DNAH9: variants seen among roughly 807,000 people sequenced by gnomAD.
DNAH9 encodes the protein dynein axonemal heavy chain 9.
In DNAH9, 345 loss-of-function variants were observed where a neutral mutation model predicts 471.6. The observed-to-expected ratio is 0.73, with a 90% CI of 0.67 to 0.80. The LOEUF (loss-of-function observed/expected upper bound fraction) is 0.80, where lower values mean the gene tolerates loss of function less well. Among genes scored for constraint, DNAH9 ranks in the 30% least tolerant of loss-of-function variants. DNAH9 has a pLI of 0.00. For missense variants in DNAH9, 5,407 were observed against 5,609.2 expected (o/e 0.96, Z 1.15); for synonymous variants, 2,093 against 2,123.6 (o/e 0.99, Z 0.40).
chr17:11,644,552 G>T, intron 10 of DNAH9, 79 bp from the exon 11 acceptor site: 2 of 1,040,286 alleles, frequency 1.9e-6, no homozygotes. Context: ...GCTCTTCTTT[G>T]GAGACTGCAG....
chr17:11,645,663 T>G (rs1407343190), intron 11 of DNAH9, among the ~76,000 whole-genome samples: 1 of 151,926 alleles, frequency 6.6e-6, no homozygotes, highest in Non-Finnish European at 1.5e-5. Flanking sequence ...AAGCACACAG[T>G]TTCAAGCATG....
intron 67 of DNAH9, chr17:11,953,909 ATATT>A (rs1317683095): frequency 6.6e-6 from 1 of 152,164 alleles, no homozygotes; most frequent in Non-Finnish European, 1.5e-5. Context: ...AACATGTAAG[ATATT>A]TATTAAAAGA....
At chr17:11,933,405 A>G (rs1271014571) in intron 64 of DNAH9, among the ~76,000 whole-genome samples, 8 of 148,254 alleles carry the variant, frequency 5.4e-5, no homozygotes, top group African/African-American at 2.0e-4. Flanking sequence ...TTTGAGATGG[A>G]GTTTCGCTCT....
intron 2 of DNAH9, 129 bp from the exon 3 acceptor site, chr17:11,610,267 G>A: frequency 1.5e-6 from 1 of 684,496 alleles, no homozygotes; most frequent in Non-Finnish European, 2.3e-6. Context: ...AAGAATGCAT[G>A]GGCTAGATGA....
intron 6 of DNAH9, among the ~76,000 whole-genome samples, chr17:11,624,229 C>T (rs1317864955): frequency 6.6e-6 from 1 of 152,160 alleles, no homozygotes; most frequent in East Asian, 1.9e-4. Flanking sequence ...AGAACTGGGG[C>T]CGGGTGCAGT....
chr17:11,815,881 T>C (rs533898103), intron 45 of DNAH9, among the ~76,000 whole-genome samples: 2 of 152,374 alleles, frequency 1.3e-5, no homozygotes, highest in African/African-American at 4.8e-5. Context: ...AGCTTCTTTG[T>C]CCTGTTTCCT....
At chr17:11,752,211 T>C (rs1967186157) in intron 32 of DNAH9, among the ~76,000 whole-genome samples, 1 of 152,218 alleles carries the variant, frequency 6.6e-6, no homozygotes, top group Non-Finnish European at 1.5e-5. Flanking sequence ...GATGGGCCGC[T>C]TTCCAAAGCT....
chr17:11,881,440 TG>T, intron 55 of DNAH9, 27 bp downstream of exon 55: 1 of 1,599,844 alleles, frequency 6.3e-7, no homozygotes, highest in Non-Finnish European at 8.5e-7. Context: ...GAAAATGTTC[TG>T]CCACTAGAGC....
intron 27 of DNAH9, among the ~76,000 whole-genome samples, chr17:11,726,465 C>T (rs564009189): frequency 5.9e-5 from 9 of 152,252 alleles, no homozygotes; most frequent in Non-Finnish European, 5.9e-5. Context: ...GCCCTTTCTT[C>T]GAAGAGCATC....
rs772743772 is a variant in DNAH9 at position 11,598,875 on chromosome 17, C to T, written c.377C>T (p.Pro126Leu). ...GGCGCAGTGGTCTGCGGGGACCTGCCCGCGGCACCTCTGGAGCACCTAGCC... is the reference window on the plus strand; with the variant it reads ...GGCGCAGTGGTCTGCGGGGACCTGCTCGCGGCACCTCTGGAGCACCTAGCC... ...FRGAVVCGDL[P>L]AAPLEHLAAL... The change falls in exon 1 of 69, where the codon CCC becomes CTC. Residue 126 changes from proline (P) to leucine (L), a missense_variant. This residue lies in a region of DNAH9 where 767 missense variants were observed against 692.5 expected (regional missense o/e 1.11). Coordinates refer to ENST00000262442, the MANE Select transcript of DNAH9 (RefSeq NM_001372.4). The T allele has an allele frequency of 3.9e-6, 6 of 1,543,326 alleles. No homozygotes were observed. In the East Asian group the frequency reaches 7.6e-5, roughly 19 times the overall value.
intron 27 of DNAH9, among the ~76,000 whole-genome samples, chr17:11,722,167 C>T (rs1039876754): frequency 1.1e-4 from 17 of 152,146 alleles, no homozygotes; most frequent in African/African-American, 4.1e-4. Flanking sequence ...ATGACACTCA[C>T]AGCAATATAC....
At chr17:11,969,190 C>T (rs766916301) in intron 68 of DNAH9, 110 bp from the exon 69 acceptor site, 11 of 910,682 alleles carry the variant, frequency 1.2e-5, no homozygotes, top group Non-Finnish European at 1.7e-5. Context: ...GGCATAAAGG[C>T]AGCCATGTCA....
intron 12 of DNAH9, 141 bp from the exon 13 acceptor site, chr17:11,650,928 T>C (rs963359793): frequency 1.2e-5 from 10 of 858,532 alleles, no homozygotes; most frequent in Middle Eastern, 3.6e-4. Flanking sequence ...TGAGACTAGA[T>C]TTAAGAAACT....
At chr17:11,752,478 A>G (rs1967198241) in intron 32 of DNAH9, among the ~76,000 whole-genome samples, 2 of 152,190 alleles carry the variant, frequency 1.3e-5, no homozygotes, top group Admixed American at 1.3e-4. Flanking sequence ...CATCCTGGCC[A>G]GCATGGTGAA....
chr17:11,709,823 CTGTGT>C (rs1222372646), intron 26 of DNAH9, among the ~76,000 whole-genome samples: 2 of 152,136 alleles, frequency 1.3e-5, no homozygotes, highest in African/African-American at 4.8e-5. Flanking sequence ...CTGCCCTGTG[CTGTGT>C]TAAGTACTGT....
intron 32 of DNAH9, among the ~76,000 whole-genome samples, chr17:11,752,015 GAT>G (rs1180864823): frequency 6.6e-6 from 1 of 152,056 alleles, no homozygotes; most frequent in Admixed American, 6.5e-5. Context: ...AAAATCATGA[GAT>G]ATTTAGGAAC....
chr17:11,841,669 A>G (rs1971038288), intron 49 of DNAH9, among the ~76,000 whole-genome samples: 1 of 152,202 alleles, frequency 6.6e-6, no homozygotes, highest in Non-Finnish European at 1.5e-5. Flanking sequence ...GAAATTCAAC[A>G]GAACTGTTTT....
intron 53 of DNAH9, 122 bp from the exon 54 acceptor site, chr17:11,879,956 C>G (rs533630585): frequency 8.3e-7 from 1 of 1,205,100 alleles, no homozygotes; most frequent in East Asian, 2.4e-5. Context: ...TGAAAACATT[C>G]CAAATAGCTG....
rs1974151125 is a variant in DNAH9 at position 11,921,895 on chromosome 17, T to C, written c.11750-1919T>C. 2.0e-5 allele frequency among the ~76,000 whole-genome samples: 3 copies of C among 152,314 alleles called. No individual in the cohort carries two copies. In the South Asian group the frequency reaches 6.2e-4, roughly 32 times the overall value. On this transcript the variant is annotated intron_variant, in intron 61 of 68. Transcript: ENST00000262442. ...AATTTTCAAACTAATCTTTATTAAATAACCTCTTTGCCCATATCCTTCTGT... is the reference window on the plus strand; with the variant it reads ...AATTTTCAAACTAATCTTTATTAAACAACCTCTTTGCCCATATCCTTCTGT...
Sources: allele counts gnomAD v4.1 joint callset (sites outside exome capture counted in the v4.1 genomes callset), GRCh38; gene constraint gnomAD v4.1.1; regional missense constraint gnomAD v4.1.1; transcripts MANE v1.5; gene names NCBI Gene and HGNC (gene_info 2026-07-23, HGNC 2026-07-21).